The following AFAP1 variants were observed in gnomAD, a reference collection of about 807,000 sequenced individuals.
The protein encoded by AFAP1 is actin filament associated protein 1, also known as actin filament-associated protein 1.
AFAP1 carries 75 observed loss-of-function variants against 93.9 expected under a neutral mutation model. The ratio of observed to expected loss-of-function variants is 0.80; its 90% CI spans 0.66 to 0.97. AFAP1 has a LOEUF of 0.97. AFAP1 is among the 50% of genes least tolerant of loss of function. AFAP1 has a pLI of 0.00. For missense variants in AFAP1, 1,201 were observed against 1,050.8 expected (o/e 1.14, Z -1.98); for synonymous variants, 517 against 430.7 (o/e 1.20, Z -2.48).
At position 7,939,807 on chromosome 4, in the gene AFAP1, G is replaced by C. The variant is rs1051249548; in HGVS notation, c.-154C>G. On this transcript the variant is annotated 5_prime_UTR_variant, in exon 1 of 18. In the 5' UTR this introduces an upstream ATG that the reference lacks. Transcript: ENST00000420658. The surrounding 1 kb of genome is among the most constrained non-coding windows in gnomAD (Gnocchi z 5.6). ...GCCTCAGCCCGTGTACCCCGCTCGA[G>C]ATCCGGCTCGGCTCGCGGAGCTGCA... The C allele has an allele frequency of 3.1e-6, 1 of 323,552 alleles. No individual in the cohort carries two copies. Among genetic ancestry groups the C allele is most frequent in the Non-Finnish European group, 5.9e-6 (1 of 169,394 alleles). 20.0% of individuals were successfully genotyped at this position (323,552 alleles called of 1,614,324 possible).
intron 1 of AFAP1, among the ~76,000 whole-genome samples, chr4:7,936,705 C>A (rs534935022): frequency 6.6e-6 from 1 of 151,888 alleles, no homozygotes; most frequent in African/African-American, 2.4e-5. Flanking sequence ...CCTCAGCTTC[C>A]CGAGTAGCTG....
intron 1 of AFAP1, among the ~76,000 whole-genome samples, chr4:7,898,468 T>G (rs1577343970): frequency 6.6e-6 from 1 of 151,952 alleles, no homozygotes; most frequent in East Asian, 1.9e-4. Context: ...CACCCTACCC[T>G]GCATTCTACC....
At chr4:7,781,712 T>C in intron 12 of AFAP1, 85 bp from the exon 13 acceptor site, 2 of 1,500,200 alleles carry the variant, frequency 1.3e-6, no homozygotes, top group Non-Finnish European at 1.8e-6. Context: ...TTATTAATAG[T>C]ACGGCATTTA....
rs569552395 is a variant in AFAP1 at position 7,784,778 on chromosome 4, G to C, written c.1530+1416C>G. Among the ~76,000 whole-genome samples, 3 of 152,250 alleles carry C rather than the reference G, an allele frequency of 2.0e-5. No homozygotes were observed. In the East Asian group the frequency reaches 5.8e-4, roughly 30 times the overall value. ...TAGAACCTGCTTTCAGTTTGTTTAT[G>C]CTCCTGAGCACTGGGGGTCCTCAGC... is the stretch of plus-strand genomic sequence containing the variant. On this transcript the variant is annotated intron_variant, in intron 12 of 17. Coordinates refer to ENST00000420658, the MANE Select transcript of AFAP1 (RefSeq NM_001134647.2).
At chr4:7,838,468 G>C (rs1028730186) in intron 6 of AFAP1, 56 bp downstream of exon 6, 1 of 1,528,242 alleles carries the variant, frequency 6.5e-7, no homozygotes, top group Non-Finnish European at 8.8e-7. Flanking sequence ...AATTAAAATG[G>C]ATCTCAGAAA....
At chr4:7,858,646 A>C (rs1044249026) in intron 3 of AFAP1, among the ~76,000 whole-genome samples, 1 of 152,214 alleles carries the variant, frequency 6.6e-6, no homozygotes, top group Non-Finnish European at 1.5e-5. Context: ...AGCAGAGGCC[A>C]GGCAGGAAAT....
intron 8 of AFAP1, among the ~76,000 whole-genome samples, chr4:7,811,111 A>G (rs1044829084): frequency 6.6e-6 from 1 of 152,158 alleles, no homozygotes; most frequent in Non-Finnish European, 1.5e-5. Flanking sequence ...ACTGGAGCTG[A>G]GGGGAGGCCG....
At chr4:7,891,966 A>G (rs1179859317) in intron 1 of AFAP1, among the ~76,000 whole-genome samples, 2 of 152,154 alleles carry the variant, frequency 1.3e-5, no homozygotes, top group African/African-American at 4.8e-5. Flanking sequence ...AGGCAGGAGA[A>G]TGGCTTGAAC....
At position 7,839,613 on chromosome 4, in the gene AFAP1, A is replaced by G. The variant is rs998789058; in HGVS notation, c.547-910T>C. ...TTTAGTAAGAGGATAACAGCAATGTATAATATACAAAGCTGATCCATCTAC... is the reference window on the plus strand; with the variant it reads ...TTTAGTAAGAGGATAACAGCAATGTGTAATATACAAAGCTGATCCATCTAC... On this transcript the variant is annotated intron_variant, in intron 5 of 17. Transcript: ENST00000420658. 2.6e-5 allele frequency among the ~76,000 whole-genome samples: 4 copies of G among 152,212 alleles called. No individual in the cohort carries two copies. The South Asian group carries it at 6.2e-4, about 24-fold the overall frequency.
At chr4:7,830,713 G>A (rs114192037) in intron 6 of AFAP1, among the ~76,000 whole-genome samples, 1,639 of 152,116 alleles carry the variant, frequency 0.011, 28 homozygotes, top group African/African-American at 0.037. Flanking sequence ...GGGCTCCAGC[G>A]ATCCTCCTGC....
At chr4:7,913,388 CA>C (rs763367846) in intron 1 of AFAP1, among the ~76,000 whole-genome samples, 3,196 of 62,088 alleles carry the variant, frequency 0.051, 58 homozygotes, top group African/African-American at 0.14. Flanking sequence ...ACCCTGTCTC[CA>C]AAAAAAAAAA....
chr4:7,899,025 GTA>G (rs35475290), intron 1 of AFAP1, among the ~76,000 whole-genome samples: 6 of 148,834 alleles, frequency 4.0e-5, no homozygotes, highest in South Asian at 4.3e-4. Context: ...ATATGTGTGT[GTA>G]TATATATATA....
intron 10 of AFAP1, 112 bp downstream of exon 10, chr4:7,800,330 T>C: frequency 1.8e-6 from 2 of 1,090,396 alleles, no homozygotes; most frequent in Admixed American, 2.0e-5. Context: ...CCAAAAGAGG[T>C]ACTGTCAGCG....
intron 1 of AFAP1, among the ~76,000 whole-genome samples, chr4:7,901,337 A>G (rs983486515): frequency 6.6e-6 from 1 of 152,210 alleles, no homozygotes; most frequent in South Asian, 2.1e-4. Flanking sequence ...CAGGTATCAC[A>G]TACTTTTCCA....
At chr4:7,892,208 A>G (rs528160527) in intron 1 of AFAP1, among the ~76,000 whole-genome samples, 197 of 152,318 alleles carry the variant, frequency 1.3e-3, no homozygotes, top group African/African-American at 4.4e-3. Flanking sequence ...AGGGGACAAA[A>G]GAGGCTCCGG....
At chr4:7,888,569 C>CT (rs1430624348) in intron 1 of AFAP1, among the ~76,000 whole-genome samples, 1 of 152,172 alleles carries the variant, frequency 6.6e-6, no homozygotes, top group African/African-American at 2.4e-5. Flanking sequence ...AATAAACAGA[C>CT]TATCTGAACA....
chr4:7,763,766 TA>T lies in AFAP1; in HGVS notation c.2443del (p.Ter815ArgfsTer45). ...AKEWELKNGT[*>X] ...AGGCTGGAGTGGTGCTGCTGTCCCC[TA>T]GGTCCCGTTCTTCAATTCCCATTCC... On this transcript the variant is annotated frameshift_variant and stop_lost, in exon 18 of 18. Coordinates refer to ENST00000420658, the MANE Select transcript of AFAP1 (RefSeq NM_001134647.2). LOFTEE classifies it high-confidence loss of function. 1 of 1,551,664 alleles carries T rather than the reference TA, an allele frequency of 6.4e-7. No homozygotes were observed. Among genetic ancestry groups the T allele is most frequent in the East Asian group, 2.4e-5 (1 of 40,912 alleles).
In AFAP1 at chr4:7,838,649, A is replaced by T; in HGVS notation, c.601T>A (p.Cys201Ser). Residue 201 changes from cysteine (C) to serine (S), a missense_variant, in exon 6 of 18, where the codon TGT becomes AGT. Coordinates refer to ENST00000420658, the MANE Select transcript of AFAP1 (RefSeq NM_001134647.2). ...TCTTTCGGGATGTACGTAATGTTAC[A>T]GCCTTGGAGTGGCAGTTCCATCTGA... Reference protein sequence around the residue: ...QPQMELPLQGCNITYIPKDSK... With the variant: ...QPQMELPLQGSNITYIPKDSK... 6.2e-7 allele frequency: 1 copy of T among 1,614,156 alleles called. No homozygotes were observed. The highest frequency in any genetic ancestry group is 1.1e-5 in the South Asian group (1 of 91,074).
intron 1 of AFAP1, among the ~76,000 whole-genome samples, chr4:7,920,266 T>G (rs1249105916): frequency 6.6e-6 from 1 of 152,212 alleles, no homozygotes; most frequent in Non-Finnish European, 1.5e-5. Flanking sequence ...CAACAGTATT[T>G]GAATTTGGCC....
Sources: allele counts gnomAD v4.1 joint callset (sites outside exome capture counted in the v4.1 genomes callset), GRCh38; gene constraint gnomAD v4.1.1; non-coding constraint Gnocchi (gnomAD v3.1); transcripts MANE v1.5; gene names NCBI Gene and HGNC (gene_info 2026-07-23, HGNC 2026-07-21).